GRM8: variants seen among roughly 807,000 people sequenced by gnomAD.
GRM8 encodes the protein glutamate metabotropic receptor 8.
Under a neutral mutation model 87.2 loss-of-function variants are expected in GRM8, and 47 were observed. That is an observed-to-expected ratio of 0.54 (90% CI 0.43 to 0.69). GRM8 has a LOEUF of 0.69. Ranked by LOEUF, GRM8 falls within the 30% of genes least tolerant of loss-of-function variation. The probability of loss-of-function intolerance (pLI) is 0.00; values close to 1 mark genes in which losing one functional copy is unlikely to be tolerated. For missense variants in GRM8, 1,019 were observed against 1,139.2 expected (o/e 0.89, Z 1.52); for synonymous variants, 396 against 404.5 (o/e 0.98, Z 0.25).
intron 6 of GRM8, among the ~76,000 whole-genome samples, chr7:126,816,131 G>C (rs10227624): frequency 0.069 from 10,471 of 151,976 alleles, 1,156 homozygotes; most frequent in African/African-American, 0.23. Context: ...TTTGTCCCTA[G>C]TCTCAACTCA....
chr7:126,667,350 A>G (rs1344388951), intron 7 of GRM8, among the ~76,000 whole-genome samples: 1 of 152,224 alleles, frequency 6.6e-6, no homozygotes, highest in Non-Finnish European at 1.5e-5. Context: ...GTAAAGCTTA[A>G]TTGGGGTGTC....
At chr7:127,214,122 C>A (rs567327999) in intron 2 of GRM8, among the ~76,000 whole-genome samples, 1 of 152,080 alleles carries the variant, frequency 6.6e-6, no homozygotes, top group Non-Finnish European at 1.5e-5. Context: ...TGAATAAAAT[C>A]TTTTTAATAG....
chr7:127,234,357 A>G (rs1036572470), intron 2 of GRM8, among the ~76,000 whole-genome samples: 2 of 152,264 alleles, frequency 1.3e-5, no homozygotes, highest in Non-Finnish European at 2.9e-5. Context: ...TTAAGTGACC[A>G]TTGCACTGAT....
At chr7:126,633,456 T>C (rs1426972101) in intron 7 of GRM8, among the ~76,000 whole-genome samples, 1 of 152,170 alleles carries the variant, frequency 6.6e-6, no homozygotes, top group Non-Finnish European at 1.5e-5. Flanking sequence ...CCTGAAGATC[T>C]TGATGTTATT....
intron 6 of GRM8, among the ~76,000 whole-genome samples, chr7:126,775,796 T>C (rs1819407199): frequency 6.6e-6 from 1 of 152,078 alleles, no homozygotes; most frequent in Admixed American, 6.6e-5. Flanking sequence ...GACACCTTCC[T>C]GAACCATGTC....
Position 126,657,139 on chromosome 7 carries a change from A to G in GRM8, c.1358-47641T>C, listed in dbSNP as rs1194331068. 2.6e-5 allele frequency among the ~76,000 whole-genome samples: 4 copies of G among 151,870 alleles called. No individual in the cohort carries two copies. In the East Asian group the frequency reaches 7.7e-4, roughly 29 times the overall value. ...TAAGGCATAGGGAAATTAATATGGA[A>G]TCACAGAGATCAAGTCAGGTTGTGC... On this transcript the variant is annotated intron_variant, in intron 7 of 10. Coordinates refer to ENST00000339582, the MANE Select transcript of GRM8 (RefSeq NM_000845.3).
intron 8 of GRM8, among the ~76,000 whole-genome samples, chr7:126,588,649 C>T (rs888244182): frequency 6.6e-6 from 1 of 152,128 alleles, no homozygotes; most frequent in African/African-American, 2.4e-5. Flanking sequence ...TTGCAGCTCC[C>T]ACTCAGACAG....
At chr7:126,589,231 G>C (rs1796445736) in intron 8 of GRM8, among the ~76,000 whole-genome samples, 1 of 152,162 alleles carries the variant, frequency 6.6e-6, no homozygotes, top group African/African-American at 2.4e-5. Flanking sequence ...CCTGGGGCAA[G>C]TTCTTAGCCC....
intron 6 of GRM8, among the ~76,000 whole-genome samples, chr7:126,811,888 AG>A (rs1485049084): frequency 6.6e-6 from 1 of 151,986 alleles, no homozygotes; most frequent in African/African-American, 2.4e-5. Flanking sequence ...TAGGACCTCC[AG>A]TACTATATTG....
intron 3 of GRM8, among the ~76,000 whole-genome samples, chr7:126,988,158 C>T (rs1423486719): frequency 6.6e-6 from 1 of 152,192 alleles, no homozygotes; most frequent in Non-Finnish European, 1.5e-5. Flanking sequence ...TCACAAAACA[C>T]TTCCATCAAA....
intron 6 of GRM8, among the ~76,000 whole-genome samples, chr7:126,785,642 C>T (rs1262672845): frequency 1.3e-5 from 2 of 151,996 alleles, no homozygotes; most frequent in Non-Finnish European, 1.5e-5. Context: ...TATCCTTTTT[C>T]ATCCTGTTCT....
At chr7:127,251,531 T>A (rs1476501393) in intron 1 of GRM8, among the ~76,000 whole-genome samples, 3 of 152,094 alleles carry the variant, frequency 2.0e-5, no homozygotes, top group East Asian at 1.9e-4. Flanking sequence ...CCAGCGCAGG[T>A]TCCTTTTTCT....
intron 7 of GRM8, among the ~76,000 whole-genome samples, chr7:126,614,850 G>A (rs1017535153): frequency 6.6e-6 from 1 of 152,212 alleles, no homozygotes; most frequent in Non-Finnish European, 1.5e-5. Context: ...AAAGAACAAA[G>A]CCTCTAAGAA....
intron 2 of GRM8, among the ~76,000 whole-genome samples, chr7:127,146,426 C>G (rs1021749065): frequency 1.3e-5 from 2 of 151,912 alleles, no homozygotes; most frequent in Non-Finnish European, 2.9e-5. Flanking sequence ...CTCTCCACGG[C>G]AAAAGTGAGC....
intron 2 of GRM8, among the ~76,000 whole-genome samples, chr7:127,191,439 G>T (rs1004448034): frequency 2.0e-5 from 3 of 152,108 alleles, no homozygotes; most frequent in African/African-American, 7.2e-5. Context: ...TATAAAAGGG[G>T]TCAGTGTTCA....
chr7:127,137,131 C>CT (rs1199218785), intron 2 of GRM8, among the ~76,000 whole-genome samples: 1 of 151,820 alleles, frequency 6.6e-6, no homozygotes, highest in Non-Finnish European at 1.5e-5. Flanking sequence ...CTATGTAAGC[C>CT]TTGATTATCT....
At chr7:127,181,723 T>C (rs1410171085) in intron 2 of GRM8, among the ~76,000 whole-genome samples, 1 of 151,376 alleles carries the variant, frequency 6.6e-6, no homozygotes, top group African/African-American at 2.4e-5. Context: ...TTCAACAAAG[T>C]AAACAAAAAC....
chr7:126,908,387 C>T (rs1404632526), intron 3 of GRM8, among the ~76,000 whole-genome samples: 5 of 152,068 alleles, frequency 3.3e-5, no homozygotes, highest in Non-Finnish European at 7.4e-5. Flanking sequence ...AACCAACCTC[C>T]GTGAGTGGAA....
At chr7:126,718,443 T>C (rs1812005395) in intron 7 of GRM8, among the ~76,000 whole-genome samples, 1 of 152,156 alleles carries the variant, frequency 6.6e-6, no homozygotes, top group African/African-American at 2.4e-5. Context: ...TGAAATTTCA[T>C]ATCCTGGGGT....
Sources: allele counts gnomAD v4.1 joint callset (sites outside exome capture counted in the v4.1 genomes callset), GRCh38; gene constraint gnomAD v4.1.1; transcripts MANE v1.5; gene names NCBI Gene and HGNC (gene_info 2026-07-23, HGNC 2026-07-21).